ZMYM2: variants seen among roughly 807,000 people sequenced by gnomAD.
ZMYM2 encodes the protein zinc finger MYM-type containing 2, also known as zinc finger MYM-type protein 2.
In ZMYM2, 56 loss-of-function variants were observed where a neutral mutation model predicts 162.8. That is an observed-to-expected ratio of 0.34 (90% CI 0.28 to 0.43). The LOEUF is 0.43. ZMYM2 is among the 20% of genes least tolerant of loss of function. The pLI is 1.00. For missense variants in ZMYM2, 1,275 were observed against 1,621.8 expected, an observed-to-expected ratio of 0.79 and a Z score of 3.67; for synonymous variants, 510 against 541.6, an observed-to-expected ratio of 0.94 and a Z score of 0.81.
At chr13:20,065,251 T>TG (rs1956584098) in intron 19 of ZMYM2, among the ~76,000 whole-genome samples, 1 of 151,964 alleles carries the variant, frequency 6.6e-6, no homozygotes, top group Admixed American at 6.6e-5. Flanking sequence ...AGAGAATACT[T>TG]GGAGTGGAAT....
At chr13:19,906,927 T>G in the ZMYM2 span, among the ~76,000 whole-genome samples, 1 of 152,190 alleles carries the variant, frequency 6.6e-6, no homozygotes, top group Non-Finnish European at 1.5e-5. Flanking sequence ...GGTCTCATTA[T>G]GTTGCCCAGG....
the ZMYM2 span, among the ~76,000 whole-genome samples, chr13:19,943,766 C>T: frequency 2.0e-5 from 3 of 152,132 alleles, no homozygotes; most frequent in Non-Finnish European, 2.9e-5. Flanking sequence ...ACTGCTCTTG[C>T]CCCGTACGCA....
the ZMYM2 span, among the ~76,000 whole-genome samples, chr13:19,906,094 G>A: frequency 6.6e-6 from 1 of 151,556 alleles, no homozygotes; most frequent in Non-Finnish European, 1.5e-5. Flanking sequence ...TGACTAACAT[G>A]GTGAAACCCT....
the ZMYM2 span, among the ~76,000 whole-genome samples, chr13:19,871,861 A>G: frequency 2.6e-5 from 4 of 152,222 alleles, no homozygotes; most frequent in Admixed American, 1.3e-4. Flanking sequence ...CCTGACTGCA[A>G]TGCACAAAGG....
chr13:19,962,550 G>A (rs1321487197), intron 2 of ZMYM2, among the ~76,000 whole-genome samples: 2 of 78,056 alleles, frequency 2.6e-5, no homozygotes, highest in Non-Finnish European at 4.6e-5. Flanking sequence ...TTGAGATGGA[G>A]TTTCACTCTT....
chr13:19,985,172 G>T (rs1949033023), intron 2 of ZMYM2, among the ~76,000 whole-genome samples: 1 of 152,136 alleles, frequency 6.6e-6, no homozygotes, highest in East Asian at 1.9e-4. Context: ...TGCCCAGGCT[G>T]GAGTGTAGTG....
chr13:20,063,824 A>ATGATGT, intron 18 of ZMYM2, among the ~76,000 whole-genome samples: 4 of 146,520 alleles, frequency 2.7e-5, no homozygotes, highest in Admixed American at 6.8e-5. Context: ...ATAATACATA[A>ATGATGT]ATATAATTTT....
chr13:19,986,868 C>T lies in ZMYM2; in HGVS notation c.-10-6195C>T, dbSNP rs977579034. ...CTGTAATCACAGCACTTTGGAAGGCCGAGGCAGGTGGATCACTTGAAGTCA... is the reference window on the plus strand; with the variant it reads ...CTGTAATCACAGCACTTTGGAAGGCTGAGGCAGGTGGATCACTTGAAGTCA... On this transcript the variant is annotated intron_variant, in intron 2 of 24. Coordinates refer to ENST00000610343, the MANE Select transcript of ZMYM2 (RefSeq NM_197968.4). 5.3e-5 allele frequency among the ~76,000 whole-genome samples: 8 copies of T among 151,652 alleles called. No individual in the cohort carries two copies. The East Asian group carries it at 7.7e-4, about 15-fold the overall frequency.
chr13:19,916,956 TTTTA>T, the ZMYM2 span, among the ~76,000 whole-genome samples: 1 of 151,900 alleles, frequency 6.6e-6, no homozygotes, highest in Non-Finnish European at 1.5e-5. Context: ...AAGCCTAGAG[TTTTA>T]TTTATTTATT....
chr13:20,064,831 A>G (rs1956551049), intron 19 of ZMYM2, among the ~76,000 whole-genome samples: 2 of 150,160 alleles, frequency 1.3e-5, no homozygotes, highest in Non-Finnish European at 3.0e-5. Context: ...CTAAGTAATA[A>G]AAATATCTCA....
chr13:19,917,725 C>T, the ZMYM2 span, among the ~76,000 whole-genome samples: 2 of 152,092 alleles, frequency 1.3e-5, no homozygotes, highest in East Asian at 3.9e-4. Flanking sequence ...TAGTTGTCTC[C>T]ACTGTGCTCT....
At chr13:19,972,981 G>A (rs1956459161) in intron 2 of ZMYM2, among the ~76,000 whole-genome samples, 1 of 150,510 alleles carries the variant, frequency 6.6e-6, no homozygotes. Flanking sequence ...TTATCACCCA[G>A]GCTGGAGTGC....
At chr13:19,978,541 C>T (rs1383692463) in intron 2 of ZMYM2, among the ~76,000 whole-genome samples, 1 of 151,924 alleles carries the variant, frequency 6.6e-6, no homozygotes, top group African/African-American at 2.4e-5. Flanking sequence ...CTCAGCCTGC[C>T]GAGTAGCTGG....
intron 6 of ZMYM2, among the ~76,000 whole-genome samples, chr13:20,018,661 T>A (rs1231280892): frequency 6.6e-6 from 1 of 152,232 alleles, no homozygotes; most frequent in Non-Finnish European, 1.5e-5. Context: ...GTAGTTTTCC[T>A]TTTCTAGCAT....
In ZMYM2 at chr13:20,088,440, C is replaced by G. The variant is rs1958390876; in HGVS notation, c.*2426C>G. 2 of 200,422 alleles carry G rather than the reference C, an allele frequency of 1.0e-5. No homozygotes were observed. Among genetic ancestry groups the G allele is most frequent in the Admixed American group, 6.0e-5 (1 of 16,704 alleles). The allele number at this position is 200,422 out of a possible 1,614,324, so 12.4% of individuals were successfully genotyped here. ...TGTCTTGAAATGTTTATTGAAGATG[C>G]TATATTTTTCTGTTCTGTTTTCTGA... On this transcript the variant is annotated 3_prime_UTR_variant, in exon 25 of 25. Transcript: ENST00000610343.
the ZMYM2 span, among the ~76,000 whole-genome samples, chr13:19,885,868 T>C: frequency 1.7e-5 from 2 of 114,520 alleles, 1 homozygote; most frequent in Non-Finnish European, 3.6e-5. Context: ...AAAAAATATA[T>C]ATATGTATAT....
At chr13:19,918,150 A>G in the ZMYM2 span, among the ~76,000 whole-genome samples, 1 of 152,180 alleles carries the variant, frequency 6.6e-6, no homozygotes, top group Non-Finnish European at 1.5e-5. Flanking sequence ...ATAAATTTTA[A>G]AACCTTTTTA....
chr13:20,019,349 A>T (rs1173735404), intron 6 of ZMYM2, among the ~76,000 whole-genome samples, 198 bp from the exon 7 acceptor site: 6 of 152,064 alleles, frequency 3.9e-5, no homozygotes, highest in Non-Finnish European at 7.4e-5. Flanking sequence ...ATTTTTTCTA[A>T]GATAAAATTA....
intron 11 of ZMYM2, among the ~76,000 whole-genome samples, chr13:20,035,283 G>A (rs1205896331): frequency 6.6e-6 from 1 of 152,208 alleles, no homozygotes; most frequent in Non-Finnish European, 1.5e-5. Flanking sequence ...CGTTCAACTA[G>A]TGCGTTCATT....
Sources: gnomAD v4.1 joint callset for allele counts (sites outside exome capture counted in the v4.1 genomes callset) on GRCh38, gnomAD v4.1.1 for gene constraint, MANE v1.5 for transcripts, NCBI Gene and HGNC (gene_info 2026-07-23, HGNC 2026-07-21) for gene names.